Variants in ATG4D observed in about 807,000 individuals in gnomAD.
The protein encoded by ATG4D is cysteine protease ATG4D.
In ATG4D, 51 loss-of-function variants were observed where a neutral mutation model predicts 55.2. The observed-to-expected ratio is 0.92, with a 90% CI of 0.74 to 1.17. The LOEUF (loss-of-function observed/expected upper bound fraction) is 1.17, where lower values mean the gene tolerates loss of function less well. Ranked by LOEUF, ATG4D falls within the 50% of genes most tolerant of loss-of-function variation. ATG4D has a pLI of 0.00. For missense variants in ATG4D, 635 were observed against 649.6 expected, an observed-to-expected ratio of 0.98 and a Z score of 0.25; for synonymous variants, 268 against 266.2, an observed-to-expected ratio of 1.01 and a Z score of -0.07.
intron 6 of ATG4D, among the ~76,000 whole-genome samples, chr19:10,549,682 G>A (rs1479796492): frequency 1.3e-5 from 2 of 151,896 alleles, no homozygotes; most frequent in Non-Finnish European, 2.9e-5. Flanking sequence ...GCCTCCCAAA[G>A]TGCTGGGATT....
chr19:10,552,776 T>A (rs1916320430), intron 9 of ATG4D, 109 bp from the exon 10 acceptor site: 2 of 1,190,866 alleles, frequency 1.7e-6, no homozygotes, highest in Admixed American at 2.3e-5. Context: ...GCTGATTGGC[T>A]GCTCTCTCCT....
rs376142888 is a variant in ATG4D at position 10,548,950 on chromosome 19, A to T, written c.882A>T (p.Thr294=). 2.5e-6 allele frequency: 4 copies of T among 1,613,996 alleles called. No homozygotes were observed. Among genetic ancestry groups the T allele is most frequent in the Admixed American group, 3.3e-5 (2 of 59,978 alleles). Residue 294 remains threonine (T), a synonymous_variant, in exon 6 of 10, where the codon ACA becomes ACT. Transcript: ENST00000309469. ...VARLVARPDP[T]AEWKSVVILV... ...GCCTGGTGGCCAGGCCAGACCCCAC[A>T]GCCGAGTGGAAGTCTGTGGTCATCC... is the stretch of plus-strand genomic sequence containing the variant.
Position 10,544,221 on chromosome 19 carries a change from C to T in ATG4D, c.131C>T (p.Ala44Val), listed in dbSNP as rs1915958349. The change falls in exon 1 of 10, where the codon GCC becomes GTC. Residue 44 changes from alanine to valine, a missense_variant. Transcript: ENST00000309469. ...CCCAACGGCCTGGGGCCTTCCGGAG[C>T]CAGCGGCCCCGCTCTTGGCTCTCCC... Reference protein sequence around the residue: ...PDPNGLGPSGASGPALGSPGA... With the variant: ...PDPNGLGPSGVSGPALGSPGA... 1 of 1,254,056 alleles carries T rather than the reference C, an allele frequency of 8.0e-7. No individual in the cohort carries two copies. The highest frequency in any genetic ancestry group is 3.7e-5 in the South Asian group (1 of 26,906). The allele number at this position is 1,254,056 out of a possible 1,614,324, so 77.7% of individuals were successfully genotyped here.
At chr19:10,550,409 AGAG>A (rs1333768071) in intron 6 of ATG4D, among the ~76,000 whole-genome samples, 3 of 152,194 alleles carry the variant, frequency 2.0e-5, no homozygotes, top group South Asian at 4.1e-4. Context: ...ATGAGGAGCC[AGAG>A]GAGAAGTGCT....
chr19:10,544,992 C>T lies in ATG4D; in HGVS notation c.355C>T (p.Arg119Cys). The part of the protein sequence containing the change: ...IQRFQRDFVS[R>C]LWLTYRRDFP... ...GCGTTTCCAGCGGGACTTTGTGTCC[C>T]GCCTGTGGCTCACATACCGCCGGGA... The change falls in exon 3 of 10, where the codon CGC becomes TGC. Residue 119 changes from arginine (R) to cysteine (C), a missense_variant. Coordinates refer to ENST00000309469, the MANE Select transcript of ATG4D (RefSeq NM_032885.6). The T allele has an allele frequency of 2.5e-6, 4 of 1,601,390 alleles. No homozygotes were observed. Among genetic ancestry groups the T allele is most frequent in the Admixed American group, 1.7e-5 (1 of 58,176 alleles).
intron 5 of ATG4D, among the ~76,000 whole-genome samples, chr19:10,548,192 G>A (rs944294340): frequency 2.6e-5 from 4 of 151,182 alleles, no homozygotes; most frequent in Non-Finnish European, 5.9e-5. Flanking sequence ...ATCACGCCCA[G>A]CTAATTTTTT....
intron 5 of ATG4D, among the ~76,000 whole-genome samples, chr19:10,548,698 G>A (rs1916126634): frequency 6.6e-6 from 1 of 152,120 alleles, no homozygotes; most frequent in African/African-American, 2.4e-5. Flanking sequence ...TGCCCACTCT[G>A]TAAAATGGGG....
In ATG4D at chr19:10,552,293, A is replaced by T; in HGVS notation, c.1211A>T (p.Glu404Val). 1.2e-6 allele frequency: 2 copies of T among 1,613,138 alleles called. No homozygotes were observed. The highest frequency in any genetic ancestry group is 1.7e-6 in the Non-Finnish European group (2 of 1,179,972). ...GGCTTCTATGCTGGAGACAGGAAGG[A>T]GTTTGAGACACTCTGCTCAGAGCTG... Reference protein sequence around the residue: ...TVGFYAGDRKEFETLCSELTR... With the variant: ...TVGFYAGDRKVFETLCSELTR... Residue 404 changes from glutamate to valine, a missense_variant, in exon 9 of 10, where the codon GAG becomes GTG. By Grantham distance (121) the Glu-to-Val change is moderately radical. Coordinates refer to ENST00000309469, the MANE Select transcript of ATG4D (RefSeq NM_032885.6).
chr19:10,551,692 C>T (rs1349022267), intron 6 of ATG4D, among the ~76,000 whole-genome samples: 5 of 116,190 alleles, frequency 4.3e-5, no homozygotes, highest in Admixed American at 3.9e-4. Context: ...AGTGAGACTC[C>T]GTCTCAAAAA....
At chr19:10,545,632 C>G (rs935755711) in intron 3 of ATG4D, among the ~76,000 whole-genome samples, 1 of 150,940 alleles carries the variant, frequency 6.6e-6, no homozygotes, top group African/African-American at 2.4e-5. Flanking sequence ...AATCCCAGCA[C>G]TTTGGGAGGC....
At chr19:10,551,504 C>T (rs560498461) in intron 6 of ATG4D, among the ~76,000 whole-genome samples, 15 of 149,506 alleles carry the variant, frequency 1.0e-4, no homozygotes, top group African/African-American at 3.7e-4. Context: ...TCCAGACCAG[C>T]CTGGCTAACA....
intron 3 of ATG4D, among the ~76,000 whole-genome samples, chr19:10,546,176 T>C (rs113601279): frequency 6.6e-6 from 1 of 151,618 alleles, no homozygotes; most frequent in African/African-American, 2.4e-5. Context: ...TTTTAAAAAT[T>C]AGCTGAGTGT....
intron 9 of ATG4D, among the ~76,000 whole-genome samples, 195 bp downstream of exon 9, chr19:10,552,519 T>G (rs1022347638): frequency 1.3e-5 from 2 of 152,184 alleles, no homozygotes; most frequent in African/African-American, 2.4e-5. Flanking sequence ...GCATCATCCC[T>G]TGGAGGCAGC....
intron 3 of ATG4D, among the ~76,000 whole-genome samples, 169 bp downstream of exon 3, chr19:10,545,299 C>T (rs1373855135): frequency 6.6e-6 from 1 of 152,160 alleles, no homozygotes; most frequent in Admixed American, 6.6e-5. Flanking sequence ...GGGTTGGAAA[C>T]GGTGGCTCAT....
rs775280853 is a variant in ATG4D, at chr19:10,552,191, T to C, written c.1123-14T>C. 29 of 1,611,456 alleles carry C rather than the reference T, an allele frequency of 1.8e-5. No individual in the cohort carries two copies. The highest frequency in any genetic ancestry group is 3.4e-6 in the Non-Finnish European group (4 of 1,179,978). On this transcript the variant is annotated splice_polypyrimidine_tract_variant and intron_variant, in intron 8 of 9. Transcript: ENST00000309469. ...CAGCCCAGCCTCTGAGCCTTCCTCG[T>C]CTGTCTGCCCCAGTCCTTCCACTGC...
intron 3 of ATG4D, 21 bp downstream of exon 3, chr19:10,545,151 G>T (rs771427997): frequency 2.5e-6 from 4 of 1,603,994 alleles, no homozygotes; most frequent in Non-Finnish European, 3.4e-6. Flanking sequence ...GGGGGGAAGG[G>T]GTGCACTAGG....
rs1198038141 is a variant in ATG4D, at chr19:10,549,193, G to T, written c.966+159G>T. 2.0e-5 allele frequency among the ~76,000 whole-genome samples: 3 copies of T among 151,772 alleles called. No homozygotes were observed. The South Asian group carries it at 6.3e-4, about 32-fold the overall frequency. ...GGCTGGAGGTCAATAACGTGATCTC[G>T]GCTCGCTGCAACCTCCGCCTCCTGG... On this transcript the variant is annotated intron_variant, in intron 6 of 9. Coordinates refer to ENST00000309469, the MANE Select transcript of ATG4D (RefSeq NM_032885.6).
intron 6 of ATG4D, chr19:10,551,149 G>C (rs1041358083): frequency 6.6e-6 from 1 of 152,132 alleles, no homozygotes; most frequent in Non-Finnish European, 1.5e-5. Flanking sequence ...TTTCCATATA[G>C]TTATCACCTC....
intron 6 of ATG4D, 106 bp from the exon 7 acceptor site, chr19:10,551,791 C>A: frequency 2.0e-6 from 2 of 1,018,770 alleles, no homozygotes; most frequent in Non-Finnish European, 3.0e-6. Context: ...GTTTTGTGGT[C>A]TTGATCACTG....
Sources: gnomAD v4.1 joint callset for allele counts (sites outside exome capture counted in the v4.1 genomes callset) on GRCh38, gnomAD v4.1.1 for gene constraint, MANE v1.5 for transcripts, NCBI Gene and HGNC (gene_info 2026-07-23, HGNC 2026-07-21) for gene names.